ACBD5: variants seen among roughly 807,000 people sequenced by gnomAD.
ACBD5 encodes acyl-CoA-binding domain-containing protein 5.
ACBD5 carries 40 observed loss-of-function variants against 71.8 expected under a neutral mutation model. The observed-to-expected ratio is 0.56, with a 90% CI of 0.43 to 0.72. The LOEUF is 0.72. ACBD5 is among the 30% of genes least tolerant of loss of function. The pLI is 0.00. For synonymous variants in ACBD5, 229 were observed against 218.6 expected (o/e 1.05, Z -0.42); for missense variants, 559 against 644.5 (o/e 0.87, Z 1.44).
rs765565647 is a variant in ACBD5, at chr10:27,218,099, T to C, written c.710A>G (p.Gln237Arg). The change falls in exon 7 of 13, where the codon CAG becomes CGG. Residue 237 changes from glutamine (Q) to arginine (R), a missense_variant. Gln to Arg is a conservative substitution (Grantham distance 43). Transcript: ENST00000396271. ...TNGYDKDGFV[Q>R]DIQNDIHASS... is the part of the protein sequence containing the mutation. ...GGCATGAATGTCATTCTGTATATCC[T>C]GAACAAAGCCATCTTTATCATAGCC... The C allele has an allele frequency of 2.5e-6, 4 of 1,614,152 alleles. No individual in the cohort carries two copies. The highest frequency in any genetic ancestry group is 4.5e-5 in the East Asian group (2 of 44,870).
intron 4 of ACBD5, among the ~76,000 whole-genome samples, chr10:27,230,996 G>A (rs2063787717): frequency 6.6e-6 from 1 of 152,076 alleles, no homozygotes; most frequent in South Asian, 2.1e-4. Flanking sequence ...ACAGAAAAAT[G>A]TGACTTCTTA....
chr10:27,228,534 G>A (rs1233798099), intron 4 of ACBD5, among the ~76,000 whole-genome samples: 3 of 151,352 alleles, frequency 2.0e-5, no homozygotes, highest in Non-Finnish European at 4.4e-5. Flanking sequence ...CCAAGATGGC[G>A]CCGTTACACT....
At position 27,210,827 on chromosome 10, in the gene ACBD5, A is replaced by G; in HGVS notation, c.1191T>C (p.Val397=). The change falls in exon 9 of 13, where the codon GTT becomes GTC. Residue 397 remains valine, a synonymous_variant. Coordinates refer to ENST00000396271, the MANE Select transcript of ACBD5 (RefSeq NM_145698.5). Reference sequence around the variant, plus strand: ...GGTAATCCACACCTCTTCCTCTTCTAACATTAGAGAATTCGTCAGTTTCTC... The same window carrying G: ...GGTAATCCACACCTCTTCCTCTTCTGACATTAGAGAATTCGTCAGTTTCTC... ...RGGETDEFSN[V]RRGRGHRMQH... is the part of the protein sequence containing the mutation. 1 of 1,614,168 alleles carries G rather than the reference A, an allele frequency of 6.2e-7. No homozygotes were observed. Among genetic ancestry groups the G allele is most frequent in the South Asian group, 1.1e-5 (1 of 91,080 alleles).
At chr10:27,187,262 T>G (rs938954433) in intron 13 of ACBD5, among the ~76,000 whole-genome samples, 1 of 152,110 alleles carries the variant, frequency 6.6e-6, no homozygotes, top group Admixed American at 6.5e-5. Context: ...ATCGTGCCAC[T>G]GCACTCCAGC....
intron 3 of ACBD5, among the ~76,000 whole-genome samples, chr10:27,234,032 GAAACTCCATCTCA>G (rs995077240): frequency 6.6e-5 from 10 of 152,154 alleles, no homozygotes; most frequent in Non-Finnish European, 1.2e-4. Flanking sequence ...CAACAAGAGT[GAAACTCCATCTCA>G]AAAATAAATA....
downstream of ACBD5, among the ~76,000 whole-genome samples, chr10:27,193,807 A>T (rs2059184128): frequency 6.6e-6 from 1 of 152,208 alleles, no homozygotes. Flanking sequence ...CTGGACTTCT[A>T]TCTCCAGACT....
At chr10:27,188,576 A>C (rs2058913361) in intron 13 of ACBD5, among the ~76,000 whole-genome samples, 1 of 152,216 alleles carries the variant, frequency 6.6e-6, no homozygotes, top group African/African-American at 2.4e-5. Flanking sequence ...AATCGGGGAA[A>C]TGTTCTCTGA....
chr10:27,192,926 AC>A (rs1316485512), downstream of ACBD5, among the ~76,000 whole-genome samples: 3 of 151,592 alleles, frequency 2.0e-5, no homozygotes, highest in Non-Finnish European at 4.4e-5. Context: ...ACGAGATCAC[AC>A]CACTGCACTC....
In ACBD5 at chr10:27,240,218, C is replaced by G; in HGVS notation, c.181+101G>C. On this transcript the variant is annotated intron_variant, in intron 2 of 12. Transcript: ENST00000396271. The surrounding 1 kb of genome is among the most constrained non-coding windows in gnomAD (Gnocchi z 4.1). ...CCCCTTCCACTACATGGCTCCTACACAGAAAAAAAGGCTAAATAAACAACA... is the reference window on the plus strand; with the variant it reads ...CCCCTTCCACTACATGGCTCCTACAGAGAAAAAAAGGCTAAATAAACAACA... 6.3e-7 allele frequency: 1 copy of G among 1,592,774 alleles called. No homozygotes were observed. Among genetic ancestry groups the G allele is most frequent in the South Asian group, 1.1e-5 (1 of 89,758 alleles).
intron 2 of ACBD5, among the ~76,000 whole-genome samples, chr10:27,239,896 G>C (rs573749351): frequency 1.3e-5 from 2 of 152,268 alleles, no homozygotes; most frequent in South Asian, 4.1e-4. Flanking sequence ...ACAGGCGCAC[G>C]CCACGAAGCC....
At position 27,210,550 on chromosome 10, in the gene ACBD5, G is replaced by A. The variant is rs1255316321; in HGVS notation, c.1204+264C>T. ...AGGTGGGTGGATCACCTGAGATCAG[G>A]AGTTCGAGACCAGCCTGGCCAACAT... is the stretch of plus-strand genomic sequence containing the variant. On this transcript the variant is annotated intron_variant, in intron 9 of 12. Transcript: ENST00000396271. Among the ~76,000 whole-genome samples the A allele has an allele frequency of 2.0e-5, 3 of 152,182 alleles. No individual in the cohort carries two copies. In the East Asian group the frequency reaches 5.8e-4, roughly 29 times the overall value.
At chr10:27,199,990 G>GA (rs934350055) in intron 12 of ACBD5, among the ~76,000 whole-genome samples, 103 of 135,056 alleles carry the variant, frequency 7.6e-4, no homozygotes, top group East Asian at 5.8e-3. Flanking sequence ...CTGTCGCAAA[G>GA]AAAAAAAAAA....
At chr10:27,227,016 T>TTTTTTC (rs2063151759) in intron 4 of ACBD5, among the ~76,000 whole-genome samples, 1 of 144,448 alleles carries the variant, frequency 6.9e-6, no homozygotes, top group Non-Finnish European at 1.5e-5. Flanking sequence ...GCGATTTTTT[T>TTTTTTC]TTTTTTTTTT....
At chr10:27,220,866 T>C (rs1354377631) in intron 5 of ACBD5, among the ~76,000 whole-genome samples, 1 of 152,184 alleles carries the variant, frequency 6.6e-6, no homozygotes, top group African/African-American at 2.4e-5. Context: ...ATGGCTACTT[T>C]TAAGGAAATG....
chr10:27,238,687 A>G (rs1255354937), intron 2 of ACBD5, among the ~76,000 whole-genome samples: 1 of 152,226 alleles, frequency 6.6e-6, no homozygotes, highest in East Asian at 1.9e-4. Flanking sequence ...TATTTTGTGT[A>G]TATTTGTTTT....
At position 27,240,354 on chromosome 10, in the gene ACBD5, G is replaced by T; in HGVS notation, c.146C>A (p.Ala49Glu). 2 of 1,613,992 alleles carry T rather than the reference G, an allele frequency of 1.2e-6. No individual in the cohort carries two copies. The highest frequency in any genetic ancestry group is 1.7e-6 in the Non-Finnish European group (2 of 1,180,016). Reference protein sequence around the residue: ...TRSVHETRFEAAVKVIQSLPK... With the variant: ...TRSVHETRFEEAVKVIQSLPK... ...CAAACTCTGGATCACCTTCACGGCCGCCTCAAACCTAGTCTCGTGCACGGA... is the reference window on the plus strand; with the variant it reads ...CAAACTCTGGATCACCTTCACGGCCTCCTCAAACCTAGTCTCGTGCACGGA... Residue 49 changes from alanine to glutamate, a missense_variant, in exon 2 of 13, where the codon GCG (alanine) becomes GAG (glutamate). Coordinates refer to ENST00000396271, the MANE Select transcript of ACBD5 (RefSeq NM_145698.5). This position sits in a 1 kb window ranked among gnomAD's most constrained non-coding sequence, Gnocchi z 4.1.
Position 27,211,032 on chromosome 10 carries a change from C to T in ACBD5, c.986G>A (p.Gly329Asp). 1.1e-5 allele frequency: 17 copies of T among 1,614,092 alleles called. No individual in the cohort carries two copies. Among genetic ancestry groups the T allele is most frequent in the Non-Finnish European group, 1.3e-5 (15 of 1,180,018 alleles). Residue 329 changes from glycine to aspartate, a missense_variant, in exon 9 of 13, where the codon GGT becomes GAT. Transcript: ENST00000396271. Reference sequence around the variant, plus strand: ...TTCCATGGGTTGACTGGAATGACCACCCAAGTAATACTGAAATGGTCCATT... The same window carrying T: ...TTCCATGGGTTGACTGGAATGACCATCCAAGTAATACTGAAATGGTCCATT... ...SNNGPFQYYL[G>D]GHSSQPMENS...
At chr10:27,199,780 G>T (rs1240933115) in intron 12 of ACBD5, among the ~76,000 whole-genome samples, 2 of 152,102 alleles carry the variant, frequency 1.3e-5, no homozygotes, top group Admixed American at 6.6e-5. Context: ...ATCTGGGCAG[G>T]CTGCTTAAGA....
chr10:27,188,006 GA>G (rs201233875), intron 13 of ACBD5, among the ~76,000 whole-genome samples: 1,833 of 151,916 alleles, frequency 0.012, 22 homozygotes, highest in South Asian at 0.034. Flanking sequence ...ATTTCCGGGG[GA>G]AAAAAAACTT....
Sources: allele counts gnomAD v4.1 joint callset (sites outside exome capture counted in the v4.1 genomes callset), GRCh38; gene constraint gnomAD v4.1.1; non-coding constraint Gnocchi (gnomAD v3.1); transcripts MANE v1.5; gene names NCBI Gene and HGNC (gene_info 2026-07-23, HGNC 2026-07-21).